The following FHIT variants were observed in gnomAD, a reference collection of about 807,000 sequenced individuals.
The protein encoded by FHIT is fragile histidine triad diadenosine triphosphatase, also known as bis(5'-adenosyl)-triphosphatase.
FHIT carries 19 observed loss-of-function variants against 17.9 expected under a neutral mutation model. That is an observed-to-expected ratio of 1.06 (90% CI 0.74 to 1.56). FHIT has a LOEUF of 1.56. Among genes scored for constraint, FHIT ranks in the 40% most tolerant of loss-of-function variants. FHIT has a pLI of 0.00. For missense variants in FHIT, 248 were observed against 189.2 expected (o/e 1.31, Z -1.82); for synonymous variants, 81 against 69.7 (o/e 1.16, Z -0.81).
chr3:59,758,916 T>C (rs1575609172), intron 8 of FHIT, among the ~76,000 whole-genome samples: 1 of 152,008 alleles, frequency 6.6e-6, no homozygotes, highest in East Asian at 1.9e-4. Context: ...CAGTTTCTAC[T>C]GGGCTGAGTT....
chr3:60,806,724 T>C (rs998420342), intron 4 of FHIT, among the ~76,000 whole-genome samples: 18 of 152,226 alleles, frequency 1.2e-4, no homozygotes, highest in African/African-American at 4.1e-4. Context: ...ATCAAACCCA[T>C]TGTTTTATCC....
At chr3:60,532,078 G>A (rs1350994242) in intron 5 of FHIT, among the ~76,000 whole-genome samples, 2 of 152,144 alleles carry the variant, frequency 1.3e-5, no homozygotes, top group South Asian at 4.1e-4. Context: ...GCGTGAGATG[G>A]TCTTGATTGG....
chr3:59,945,668 G>C (rs138434213), intron 7 of FHIT, among the ~76,000 whole-genome samples: 1,567 of 151,894 alleles, frequency 0.01, 27 homozygotes, highest in African/African-American at 0.035. Flanking sequence ...AGTAGTTTTA[G>C]GTTTTACATT....
chr3:61,135,580 C>T (rs972667484), intron 2 of FHIT, among the ~76,000 whole-genome samples: 5 of 110,052 alleles, frequency 4.5e-5, no homozygotes, highest in Non-Finnish European at 6.9e-5. Flanking sequence ...TCCTTGTGTT[C>T]GAACACACAC....
chr3:60,753,498 G>C (rs1301416884), intron 4 of FHIT, among the ~76,000 whole-genome samples: 4 of 152,188 alleles, frequency 2.6e-5, no homozygotes, highest in African/African-American at 9.7e-5. Context: ...CCCCAGGTAA[G>C]GGAGCGATCC....
intron 4 of FHIT, among the ~76,000 whole-genome samples, chr3:60,588,843 C>T (rs1394021597): frequency 6.6e-6 from 1 of 151,972 alleles, no homozygotes; most frequent in South Asian, 2.1e-4. Flanking sequence ...CCAGATTCAC[C>T]TTACCCTAAG....
intron 3 of FHIT, among the ~76,000 whole-genome samples, chr3:60,957,529 G>A (rs112853565): frequency 0.02 from 2,919 of 147,572 alleles, 91 homozygotes; most frequent in African/African-American, 0.068. Flanking sequence ...GAGCCATGGC[G>A]CCGGGCCCAT....
chr3:60,928,763 C>T (rs1163238435), intron 3 of FHIT, among the ~76,000 whole-genome samples: 3 of 152,150 alleles, frequency 2.0e-5, no homozygotes, highest in Admixed American at 6.5e-5. Flanking sequence ...CAGATGGATT[C>T]ACAGCCGAAT....
chr3:60,172,960 T>C (rs191329655), intron 5 of FHIT, among the ~76,000 whole-genome samples: 1 of 152,328 alleles, frequency 6.6e-6, no homozygotes, highest in Admixed American at 6.5e-5. Context: ...TCTTACTGTA[T>C]GATATGGGTA....
intron 5 of FHIT, among the ~76,000 whole-genome samples, chr3:60,069,602 T>G (rs1248976629): frequency 1.3e-5 from 2 of 152,234 alleles, no homozygotes; most frequent in Non-Finnish European, 2.9e-5. Context: ...AACCATCATT[T>G]TCATAGTAAA....
intron 8 of FHIT, among the ~76,000 whole-genome samples, chr3:59,792,497 T>A (rs1375861776): frequency 6.6e-6 from 1 of 152,112 alleles, no homozygotes; most frequent in Non-Finnish European, 1.5e-5. Flanking sequence ...AATCCTAGAT[T>A]TGCCACATTT....
At chr3:60,901,324 A>G (rs1188207649) in intron 3 of FHIT, among the ~76,000 whole-genome samples, 1 of 152,178 alleles carries the variant, frequency 6.6e-6, no homozygotes, top group Non-Finnish European at 1.5e-5. Context: ...TAAACTGTGC[A>G]TTACCTTGTT....
intron 2 of FHIT, among the ~76,000 whole-genome samples, chr3:61,125,962 T>A (rs2036594020): frequency 6.6e-6 from 1 of 152,316 alleles, no homozygotes; most frequent in Non-Finnish European, 1.5e-5. Flanking sequence ...TATAGATAGG[T>A]AACAGGATGG....
intron 3 of FHIT, among the ~76,000 whole-genome samples, chr3:60,977,290 G>T (rs561641674): frequency 6.6e-6 from 1 of 152,146 alleles, no homozygotes; most frequent in African/African-American, 2.4e-5. Flanking sequence ...AGCATTACCG[G>T]TGGCAAGTTC....
chr3:60,683,846 T>C (rs186955919), intron 4 of FHIT, among the ~76,000 whole-genome samples: 7 of 152,324 alleles, frequency 4.6e-5, no homozygotes, highest in Non-Finnish European at 8.8e-5. Flanking sequence ...AAGGAAATCA[T>C]TTTTGGGTAA....
intron 4 of FHIT, among the ~76,000 whole-genome samples, chr3:60,560,844 C>CACAGAGAG (rs139684970): frequency 0.051 from 6,179 of 122,094 alleles, 243 homozygotes; most frequent in Admixed American, 0.11. Flanking sequence ...CACACACACA[C>CACAGAGAG]AGAGAGAGAG....
chr3:60,976,738 T>C (rs561300115), intron 3 of FHIT, among the ~76,000 whole-genome samples: 1 of 152,330 alleles, frequency 6.6e-6, no homozygotes, highest in African/African-American at 2.4e-5. Context: ...TATAATATCA[T>C]TTGGCTCTCC....
intron 5 of FHIT, among the ~76,000 whole-genome samples, chr3:60,476,179 C>G (rs1395611462): frequency 6.6e-6 from 1 of 152,114 alleles, no homozygotes. Context: ...TTTAACGTAC[C>G]TGAGCCTCAG....
chr3:60,366,741 A>G (rs1700121415), intron 5 of FHIT, among the ~76,000 whole-genome samples: 1 of 152,164 alleles, frequency 6.6e-6, no homozygotes, highest in South Asian at 2.1e-4. Flanking sequence ...TTCCAGAATC[A>G]TGAGCTGTAT....
Sources: allele counts gnomAD v4.1 joint callset (sites outside exome capture counted in the v4.1 genomes callset), GRCh38; gene constraint gnomAD v4.1.1; transcripts MANE v1.5; gene names NCBI Gene and HGNC (gene_info 2026-07-23, HGNC 2026-07-21).